The following THSD4 variants were observed in gnomAD, a reference collection of about 807,000 sequenced individuals.
The protein encoded by THSD4 is thrombospondin type-1 domain-containing protein 4.
THSD4 carries 69 observed loss-of-function variants against 119.0 expected under a neutral mutation model. The observed-to-expected ratio is 0.58, with a 90% CI of 0.48 to 0.71. The LOEUF is 0.71. THSD4 is among the 30% of genes least tolerant of loss of function. THSD4 has a pLI of 0.00. For missense variants in THSD4, 1,393 were observed against 1,391.1 expected, an observed-to-expected ratio of 1.00 and a Z score of -0.02; for synonymous variants, 524 against 540.4, an observed-to-expected ratio of 0.97 and a Z score of 0.42.
intron 6 of THSD4, among the ~76,000 whole-genome samples, chr15:71,344,233 CGG>C (rs1053691221): frequency 1.3e-5 from 2 of 151,888 alleles, no homozygotes; most frequent in African/African-American, 4.8e-5. Context: ...TTAATAGAGA[CGG>C]GGTTTCACCG....
intron 8 of THSD4, among the ~76,000 whole-genome samples, chr15:71,710,213 C>T (rs570466203): frequency 1.3e-5 from 2 of 152,174 alleles, no homozygotes; most frequent in Admixed American, 6.5e-5. Context: ...GGAGGTGCCC[C>T]CCTCCATTCC....
intron 7 of THSD4, among the ~76,000 whole-genome samples, chr15:71,512,823 C>A (rs1403550707): frequency 6.6e-6 from 1 of 152,044 alleles, no homozygotes. Context: ...AACATCCATA[C>A]GAGAGTAGGG....
At chr15:71,241,194 A>G (rs2044150018) in intron 4 of THSD4, among the ~76,000 whole-genome samples, 1 of 152,230 alleles carries the variant, frequency 6.6e-6, no homozygotes. Context: ...GTAAATGTAG[A>G]ATTAATTATT....
At chr15:71,715,660 T>C (rs1466881318) in intron 8 of THSD4, among the ~76,000 whole-genome samples, 2 of 152,086 alleles carry the variant, frequency 1.3e-5, no homozygotes, top group South Asian at 2.1e-4. Flanking sequence ...CATAGTATAG[T>C]AAAATTTAAA....
At chr15:71,521,133 G>A (rs2048434422) in intron 7 of THSD4, among the ~76,000 whole-genome samples, 1 of 152,036 alleles carries the variant, frequency 6.6e-6, no homozygotes. Flanking sequence ...GGAAATTATT[G>A]GTTTACTTAA....
At chr15:71,387,509 G>A (rs2046310638) in intron 6 of THSD4, among the ~76,000 whole-genome samples, 1 of 151,970 alleles carries the variant, frequency 6.6e-6, no homozygotes, top group Admixed American at 6.6e-5. Flanking sequence ...GCATTTTCAG[G>A]AAAAAAGGAA....
chr15:71,279,253 T>G (rs1016242654), intron 6 of THSD4, among the ~76,000 whole-genome samples: 1 of 152,194 alleles, frequency 6.6e-6, no homozygotes, highest in African/African-American at 2.4e-5. Context: ...CCATTTGTAC[T>G]TAAGGTTACG....
chr15:71,714,255 C>A (rs942973872), intron 8 of THSD4, among the ~76,000 whole-genome samples: 3 of 151,928 alleles, frequency 2.0e-5, no homozygotes, highest in Admixed American at 2.0e-4. Flanking sequence ...CAAAGATGTG[C>A]GGTGGGTGTT....
At position 71,127,979 on chromosome 15, in the gene THSD4, C is replaced by T. The variant is rs575179192; in HGVS notation, c.-80+12281C>T. Among the ~76,000 whole-genome samples the T allele has an allele frequency of 5.3e-5, 8 of 152,220 alleles. No individual in the cohort carries two copies. In the East Asian group the frequency reaches 9.6e-4, roughly 18 times the overall value. ...GTTAAATACAAAAAATTATTCCAGG[C>T]CAGCGTCTTGTAGTATTTCTCCTAT... On this transcript the variant is annotated intron_variant, in intron 1 of 17. Transcript: ENST00000261862.
intron 3 of THSD4, among the ~76,000 whole-genome samples, chr15:71,171,170 A>T (rs2043358103): frequency 1.3e-5 from 2 of 152,142 alleles, no homozygotes; most frequent in African/African-American, 4.8e-5. Context: ...GAAAACTATG[A>T]ATCCAAGAAT....
intron 17 of THSD4, among the ~76,000 whole-genome samples, chr15:71,773,961 C>T (rs954773489): frequency 6.6e-6 from 1 of 152,100 alleles, no homozygotes; most frequent in Non-Finnish European, 1.5e-5. Flanking sequence ...ACAGAACTCA[C>T]TCAATTTTTT....
chr15:71,393,163 T>A (rs2046398468), intron 6 of THSD4, among the ~76,000 whole-genome samples: 1 of 151,422 alleles, frequency 6.6e-6, no homozygotes, highest in Non-Finnish European at 1.5e-5. Flanking sequence ...TGCGTTCAGT[T>A]CCAGTTGAAT....
At position 71,746,819 on chromosome 15, in the gene THSD4, T is replaced by G. The variant is rs1485814062; in HGVS notation, c.2037-19T>G. 39 of 1,612,192 alleles carry G rather than the reference T, an allele frequency of 2.4e-5. No homozygotes were observed. Among genetic ancestry groups the G allele is most frequent in the Non-Finnish European group, 3.2e-5 (38 of 1,179,230 alleles). ...ACTGAAGGTTGTCTCTCACTCTCGCTCTCTCATTCCTGAACCAGCTGGGAC... is the reference window on the plus strand; with the variant it reads ...ACTGAAGGTTGTCTCTCACTCTCGCGCTCTCATTCCTGAACCAGCTGGGAC... On this transcript the variant is annotated intron_variant, in intron 12 of 17. Transcript: ENST00000261862.
intron 3 of THSD4, among the ~76,000 whole-genome samples, chr15:71,180,850 G>A (rs963241102): frequency 6.6e-5 from 10 of 152,024 alleles, no homozygotes; most frequent in African/African-American, 2.2e-4. Context: ...GCAGGGTTGG[G>A]ATTACATGGA....
rs142424793 is a variant in THSD4, at chr15:71,137,570, G to A, written c.-79-3879G>A. 7.5e-4 allele frequency among the ~76,000 whole-genome samples: 114 copies of A among 152,006 alleles called. 2 individuals carry two copies. Among genetic ancestry groups the A allele is most frequent in the East Asian group, 5.6e-3 (29 of 5,170 alleles). ...TTTTACTTATTAAAAAATGCTGTTCGTGACCCAAGAAATTAATTTCATGGC... is the reference window on the plus strand; with the variant it reads ...TTTTACTTATTAAAAAATGCTGTTCATGACCCAAGAAATTAATTTCATGGC... On this transcript the variant is annotated intron_variant, in intron 1 of 17. Transcript: ENST00000261862.
chr15:71,158,653 T>C (rs981713481), intron 3 of THSD4, among the ~76,000 whole-genome samples: 1 of 111,024 alleles, frequency 9.0e-6, no homozygotes, highest in African/African-American at 7.3e-5. Flanking sequence ...GTTGAGTTGG[T>C]TTTTTTTTTT....
At chr15:71,504,357 A>G (rs1345832907) in intron 7 of THSD4, among the ~76,000 whole-genome samples, 1 of 152,170 alleles carries the variant, frequency 6.6e-6, no homozygotes, top group Non-Finnish European at 1.5e-5. Flanking sequence ...TTAAAGGTGA[A>G]AATAGTCACC....
At chr15:71,759,921 G>C (rs1270963469) in intron 15 of THSD4, among the ~76,000 whole-genome samples, 1 of 152,076 alleles carries the variant, frequency 6.6e-6, no homozygotes, top group African/African-American at 2.4e-5. Context: ...AATTGAATGT[G>C]GCCAAGGGTT....
intron 7 of THSD4, among the ~76,000 whole-genome samples, chr15:71,437,963 C>T (rs1472786645): frequency 6.6e-6 from 1 of 152,208 alleles, no homozygotes; most frequent in African/African-American, 2.4e-5. Context: ...CATCTTTTCA[C>T]ATGCTTCAGA....
Sources: allele counts gnomAD v4.1 joint callset (sites outside exome capture counted in the v4.1 genomes callset), GRCh38; gene constraint gnomAD v4.1.1; transcripts MANE v1.5; gene names NCBI Gene and HGNC (gene_info 2026-07-23, HGNC 2026-07-21).